The following FNDC3A variants were observed in gnomAD, a reference collection of about 807,000 sequenced individuals.
The protein encoded by FNDC3A is fibronectin type-III domain-containing protein 3A.
Under a neutral mutation model 148.9 loss-of-function variants are expected in FNDC3A, and 32 were observed. That is an observed-to-expected ratio of 0.21 (90% CI 0.16 to 0.29). The LOEUF (loss-of-function observed/expected upper bound fraction) is 0.29, where lower values mean the gene tolerates loss of function less well. FNDC3A is among the 10% of genes least tolerant of loss of function. FNDC3A has a pLI of 1.00. For synonymous variants in FNDC3A, 472 were observed against 473.6 expected, an observed-to-expected ratio of 1.00 and a Z score of 0.04; for missense variants, 1,191 against 1,452.8, an observed-to-expected ratio of 0.82 and a Z score of 2.93.
chr13:49,027,795 A>G (rs903798049), intron 2 of FNDC3A, among the ~76,000 whole-genome samples: 1 of 152,190 alleles, frequency 6.6e-6, no homozygotes, highest in Non-Finnish European at 1.5e-5. Context: ...GAGGAACAAA[A>G]AAGATATAAT....
At chr13:48,987,626 C>T (rs761612899) in intron 1 of FNDC3A, among the ~76,000 whole-genome samples, 1 of 152,318 alleles carries the variant, frequency 6.6e-6, no homozygotes, top group East Asian at 1.9e-4. Flanking sequence ...CAACACTACT[C>T]TTTCCTTCTT....
chr13:49,192,472 T>C (rs1029835485), intron 19 of FNDC3A, among the ~76,000 whole-genome samples: 4 of 152,064 alleles, frequency 2.6e-5, no homozygotes, highest in African/African-American at 9.7e-5. Flanking sequence ...TTTTTTCATA[T>C]TTTTAGTAGA....
chr13:49,103,073 A>G (rs1188286646), intron 3 of FNDC3A, among the ~76,000 whole-genome samples: 1 of 152,232 alleles, frequency 6.6e-6, no homozygotes, highest in East Asian at 1.9e-4. Context: ...CTGTACAAAT[A>G]TGAACTTATT....
chr13:49,193,718 G>A (rs939022040), intron 19 of FNDC3A, among the ~76,000 whole-genome samples: 4 of 152,204 alleles, frequency 2.6e-5, no homozygotes, highest in East Asian at 1.9e-4. Context: ...TCAGGAGTTC[G>A]AGACCAGCCT....
chr13:49,036,024 A>T (rs1194310943), intron 2 of FNDC3A, among the ~76,000 whole-genome samples: 1 of 152,152 alleles, frequency 6.6e-6, no homozygotes, highest in Non-Finnish European at 1.5e-5. Context: ...ATAAAGCTTA[A>T]TGCAAAGTTC....
intron 2 of FNDC3A, among the ~76,000 whole-genome samples, chr13:49,023,514 T>G (rs1593484850): frequency 6.6e-6 from 1 of 151,802 alleles, no homozygotes; most frequent in East Asian, 1.9e-4. Context: ...AATAAACATC[T>G]TACAGAAATG....
chr13:49,155,467 C>T (rs1883605851), intron 8 of FNDC3A, among the ~76,000 whole-genome samples: 1 of 147,632 alleles, frequency 6.8e-6, no homozygotes, highest in African/African-American at 2.5e-5. Context: ...TTTCAAAAAA[C>T]CAGCTCCTGG....
intron 8 of FNDC3A, among the ~76,000 whole-genome samples, chr13:49,157,609 G>A (rs1883783049): frequency 6.6e-6 from 1 of 151,362 alleles, no homozygotes; most frequent in Non-Finnish European, 1.5e-5. Context: ...GCGTTTTAGA[G>A]TTTCCACTTT....
At chr13:49,090,433 AAAAC>A (rs943003326) in intron 3 of FNDC3A, among the ~76,000 whole-genome samples, 7 of 152,098 alleles carry the variant, frequency 4.6e-5, no homozygotes, top group South Asian at 2.1e-4. Context: ...ACAAAACAAA[AAAAC>A]AAACACATCC....
chr13:49,087,644 A>G (rs963259802), intron 3 of FNDC3A, among the ~76,000 whole-genome samples: 6 of 152,166 alleles, frequency 3.9e-5, no homozygotes, highest in Admixed American at 2.0e-4. Context: ...TTTACAGTCA[A>G]AAGAGCTAGA....
intron 3 of FNDC3A, among the ~76,000 whole-genome samples, chr13:49,112,119 C>G (rs763547457): frequency 2.0e-5 from 3 of 152,054 alleles, no homozygotes; most frequent in Non-Finnish European, 2.9e-5. Context: ...AAAGAAAAAC[C>G]TATTCTGATG....
chr13:49,049,472 C>G (rs1875666695), intron 2 of FNDC3A, among the ~76,000 whole-genome samples: 1 of 151,706 alleles, frequency 6.6e-6, no homozygotes, highest in Non-Finnish European at 1.5e-5. Context: ...TTTTTCATTA[C>G]CAATTCAGCC....
At chr13:49,188,898 G>C (rs1396245733) in intron 17 of FNDC3A, among the ~76,000 whole-genome samples, 2 of 152,152 alleles carry the variant, frequency 1.3e-5, no homozygotes, top group African/African-American at 4.8e-5. Flanking sequence ...ATTTTATAAA[G>C]ATAAATTTGA....
intron 3 of FNDC3A, among the ~76,000 whole-genome samples, chr13:49,079,298 G>A (rs1444912270): frequency 6.6e-6 from 1 of 152,120 alleles, no homozygotes; most frequent in East Asian, 1.9e-4. Context: ...TGAAAACTAA[G>A]TTCCTGACAT....
At chr13:49,096,335 T>C (rs779535237) in intron 3 of FNDC3A, among the ~76,000 whole-genome samples, 4 of 152,116 alleles carry the variant, frequency 2.6e-5, no homozygotes, top group Non-Finnish European at 5.9e-5. Context: ...AAAACCCATG[T>C]GATACCATTG....
At chr13:49,054,121 C>T (rs1176964074) in intron 2 of FNDC3A, among the ~76,000 whole-genome samples, 1 of 152,134 alleles carries the variant, frequency 6.6e-6, no homozygotes, top group Admixed American at 6.5e-5. Context: ...CTAACCACTC[C>T]TTTCGCATCA....
intron 2 of FNDC3A, among the ~76,000 whole-genome samples, chr13:49,008,727 T>A (rs1952274711): frequency 6.6e-6 from 1 of 152,198 alleles, no homozygotes; most frequent in Non-Finnish European, 1.5e-5. Flanking sequence ...CTGATATCAC[T>A]GCTAGTGTTG....
At chr13:49,133,260 T>A (rs1211281858) in intron 5 of FNDC3A, among the ~76,000 whole-genome samples, 4 of 152,264 alleles carry the variant, frequency 2.6e-5, no homozygotes, top group Admixed American at 2.6e-4. Context: ...AGTCTCATCC[T>A]ATTTTTGTTT....
Position 49,006,266 on chromosome 13 carries a change from G to C in FNDC3A, c.76G>C (p.Val26Leu). 1 of 1,604,088 alleles carries C rather than the reference G, an allele frequency of 6.2e-7. No individual in the cohort carries two copies. Among genetic ancestry groups the C allele is most frequent in the South Asian group, 1.1e-5 (1 of 90,764 alleles). The change falls in exon 2 of 26, where the codon GTA becomes CTA. Residue 26 changes from valine (V) to leucine (L), a missense_variant. Transcript: ENST00000492622. ...TATTTCTCTTTTGTCTGCCCCTATTGTAAGTGCAGATGGAACACAACAGGT... is the reference window on the plus strand; with the variant it reads ...TATTTCTCTTTTGTCTGCCCCTATTCTAAGTGCAGATGGAACACAACAGGT... ...SDISLLSAPI[V>L]SADGTQQVIL...
Sources: allele counts gnomAD v4.1 joint callset (sites outside exome capture counted in the v4.1 genomes callset), GRCh38; gene constraint gnomAD v4.1.1; transcripts MANE v1.5; gene names NCBI Gene and HGNC (gene_info 2026-07-23, HGNC 2026-07-21).